The following EXOC6B variants were observed in gnomAD, a reference collection of about 807,000 sequenced individuals.
The protein encoded by EXOC6B is SEC15 homolog B.
In EXOC6B, 54 loss-of-function variants were observed where a neutral mutation model predicts 113.5. The observed-to-expected ratio is 0.48, with a 90% CI of 0.38 to 0.60. The LOEUF is 0.60. EXOC6B is among the 20% of genes least tolerant of loss of function. The pLI is 0.00. For synonymous variants in EXOC6B, 357 were observed against 339.0 expected (o/e 1.05, Z -0.58); for missense variants, 797 against 977.5 (o/e 0.82, Z 2.46).
chr2:72,203,847 A>G (rs1162355393), intron 20 of EXOC6B, among the ~76,000 whole-genome samples: 1 of 152,204 alleles, frequency 6.6e-6, no homozygotes, highest in Non-Finnish European at 1.5e-5. Flanking sequence ...TTGGTAAGAA[A>G]TCATCAAGTG....
Position 72,266,358 on chromosome 2 carries a change from G to C in EXOC6B, c.2196+68589C>G, listed in dbSNP as rs1304115373. Among the ~76,000 whole-genome samples, 5 of 148,518 alleles carry C rather than the reference G, an allele frequency of 3.4e-5. No homozygotes were observed. The East Asian group carries it at 6.0e-4, about 18-fold the overall frequency. On this transcript the variant is annotated intron_variant, in intron 20 of 21. Coordinates refer to ENST00000272427, the MANE Select transcript of EXOC6B (RefSeq NM_015189.3). ...CCTATGTCCTGAATGGTAATGCCTA[G>C]GTTTTCTTCTAGGGTTTTTATGGTT...
intron 1 of EXOC6B, among the ~76,000 whole-genome samples, chr2:72,788,150 T>C (rs1684477798): frequency 6.6e-6 from 1 of 152,230 alleles, no homozygotes; most frequent in South Asian, 2.1e-4. Flanking sequence ...CTGTTATTTC[T>C]ATATTATTCA....
At chr2:72,194,298 G>A (rs1296831920) in intron 20 of EXOC6B, among the ~76,000 whole-genome samples, 3 of 152,166 alleles carry the variant, frequency 2.0e-5, no homozygotes, top group Non-Finnish European at 4.4e-5. Context: ...ACATCTAGTA[G>A]AGAAGGTAGA....
rs745956568 is a variant in EXOC6B, at chr2:72,510,986, AC to A, written c.1167+2145del. On this transcript the variant is annotated intron_variant, in intron 11 of 21. Transcript: ENST00000272427. ...CAGAACACACAAAAACATGTAAAAA[AC>A]ATTTCAAGTTTGCCAGATTTTATTA... Among the ~76,000 whole-genome samples, 3 of 152,236 alleles carry A rather than the reference AC, an allele frequency of 2.0e-5. No homozygotes were observed. In the East Asian group the frequency reaches 5.8e-4, roughly 29 times the overall value.
chr2:72,567,691 A>G (rs1324444206), intron 7 of EXOC6B, among the ~76,000 whole-genome samples: 1 of 152,106 alleles, frequency 6.6e-6, no homozygotes, highest in African/African-American at 2.4e-5. Flanking sequence ...GGAAAAGAAG[A>G]GAAATTAAAG....
intron 1 of EXOC6B, among the ~76,000 whole-genome samples, chr2:72,806,161 T>C (rs1685564596): frequency 6.6e-6 from 1 of 152,170 alleles, no homozygotes; most frequent in Admixed American, 6.6e-5. Context: ...AGGTAGTTTT[T>C]CAACCCACAC....
Position 72,411,278 on chromosome 2 carries a change from T to C in EXOC6B, c.1981-31408A>G, listed in dbSNP as rs1694169615. Among the ~76,000 whole-genome samples, 3 of 152,040 alleles carry C rather than the reference T, an allele frequency of 2.0e-5. No individual in the cohort carries two copies. In the South Asian group the frequency reaches 6.2e-4, roughly 32 times the overall value. The stretch of plus-strand genomic sequence containing the variant: ...ATATAATAATACTTTTAGTAACACA[T>C]CTGAGCTTCAAAAAAAAGGAAATCT... On this transcript the variant is annotated intron_variant, in intron 18 of 21. Transcript: ENST00000272427.
intron 18 of EXOC6B, among the ~76,000 whole-genome samples, chr2:72,419,816 T>C (rs1234292572): frequency 6.6e-6 from 1 of 152,222 alleles, no homozygotes; most frequent in South Asian, 2.1e-4. Flanking sequence ...TTTGAGTTTC[T>C]TGCATGTTGA....
At chr2:72,808,779 C>A (rs1219171413) in intron 1 of EXOC6B, among the ~76,000 whole-genome samples, 1 of 151,998 alleles carries the variant, frequency 6.6e-6, no homozygotes, top group African/African-American at 2.4e-5. Flanking sequence ...GAGATCCTAT[C>A]TCAAAAAACA....
intron 20 of EXOC6B, among the ~76,000 whole-genome samples, chr2:72,237,377 T>C (rs1226254531): frequency 6.6e-6 from 1 of 151,962 alleles, no homozygotes; most frequent in African/African-American, 2.4e-5. Flanking sequence ...AATCAAGAGG[T>C]TGAAAATAAG....
chr2:72,437,096 C>G (rs552142913), intron 18 of EXOC6B, among the ~76,000 whole-genome samples: 1 of 152,176 alleles, frequency 6.6e-6, no homozygotes, highest in East Asian at 1.9e-4. Flanking sequence ...CTGTGGGTGT[C>G]CTTTTTGTTC....
At chr2:72,411,949 T>A (rs927409123) in intron 18 of EXOC6B, among the ~76,000 whole-genome samples, 1 of 151,860 alleles carries the variant, frequency 6.6e-6, no homozygotes, top group Non-Finnish European at 1.5e-5. Flanking sequence ...ATGTTTAAGA[T>A]GAAAAACAAG....
At chr2:72,424,450 T>C (rs893926008) in intron 18 of EXOC6B, among the ~76,000 whole-genome samples, 1 of 152,156 alleles carries the variant, frequency 6.6e-6, no homozygotes, top group African/African-American at 2.4e-5. Flanking sequence ...TTTTTATCCA[T>C]AATTTTCTGT....
chr2:72,717,518 G>C (rs1216385261), intron 6 of EXOC6B, among the ~76,000 whole-genome samples: 2 of 152,090 alleles, frequency 1.3e-5, no homozygotes, highest in African/African-American at 4.8e-5. Flanking sequence ...TTTAAAAAAA[G>C]AAATTTAGAT....
Position 72,623,666 on chromosome 2 carries a change from C to T in EXOC6B, c.670-47998G>A, listed in dbSNP as rs557619807. Among the ~76,000 whole-genome samples the T allele has an allele frequency of 3.9e-5, 6 of 152,282 alleles. No homozygotes were observed. In the South Asian group the frequency reaches 1.2e-3, roughly 32 times the overall value. ...CTCCCATAATGTTTCAGTGCCCTGT[C>T]AATGACCCAGCTGACCAGCACCTTA... is the stretch of plus-strand genomic sequence containing the variant. On this transcript the variant is annotated intron_variant, in intron 6 of 21. Coordinates refer to ENST00000272427, the MANE Select transcript of EXOC6B (RefSeq NM_015189.3).
intron 1 of EXOC6B, among the ~76,000 whole-genome samples, chr2:72,769,014 T>C (rs1313548670): frequency 6.6e-6 from 1 of 152,102 alleles, no homozygotes; most frequent in Non-Finnish European, 1.5e-5. Flanking sequence ...ATTAGACAAG[T>C]TCTGGAGATA....
At chr2:72,364,896 T>G (rs1171692312) in intron 19 of EXOC6B, among the ~76,000 whole-genome samples, 6 of 152,136 alleles carry the variant, frequency 3.9e-5, no homozygotes, top group Admixed American at 2.0e-4. Context: ...TTCCTTTTCT[T>G]TATAAGAGAA....
At chr2:72,571,678 C>T (rs1297947351) in intron 7 of EXOC6B, among the ~76,000 whole-genome samples, 2 of 152,152 alleles carry the variant, frequency 1.3e-5, no homozygotes, top group Non-Finnish European at 2.9e-5. Flanking sequence ...TCAGATGGTT[C>T]AACATGTAAG....
chr2:72,384,727 A>T (rs1691895115), intron 18 of EXOC6B, among the ~76,000 whole-genome samples: 1 of 152,100 alleles, frequency 6.6e-6, no homozygotes, highest in African/African-American at 2.4e-5. Flanking sequence ...CTAACAACAA[A>T]CTATCTGAAA....
Sources: allele counts gnomAD v4.1 joint callset (sites outside exome capture counted in the v4.1 genomes callset), GRCh38; gene constraint gnomAD v4.1.1; transcripts MANE v1.5; gene names NCBI Gene and HGNC (gene_info 2026-07-23, HGNC 2026-07-21).